CNTLN: variants seen among roughly 807,000 people sequenced by gnomAD.
The protein encoded by CNTLN is centlein, centrosomal protein.
CNTLN carries 212 observed loss-of-function variants against 180.0 expected under a neutral mutation model. That is an observed-to-expected ratio of 1.18 (90% CI 1.05 to 1.32). CNTLN has a LOEUF of 1.32. CNTLN is among the 40% of genes most tolerant of loss of function. The probability of loss-of-function intolerance (pLI) is 0.00; values close to 1 mark genes in which losing one functional copy is unlikely to be tolerated. For missense variants in CNTLN, 2,095 were observed against 1,610.9 expected, an observed-to-expected ratio of 1.30 and a Z score of -5.14; for synonymous variants, 722 against 563.1, an observed-to-expected ratio of 1.28 and a Z score of -3.99.
chr9:17,352,406 ATATATATATATTTT>A (rs1311792016), intron 12 of CNTLN, among the ~76,000 whole-genome samples: 8 of 129,612 alleles, frequency 6.2e-5, no homozygotes, highest in Admixed American at 1.5e-4. Context: ...ATATATATAT[ATATATATATATTTT>A]TTTTTTTTTT....
chr9:17,182,842 C>A lies in CNTLN; in HGVS notation c.449+39466C>A, dbSNP rs572729892. Among the ~76,000 whole-genome samples, 7 of 152,256 alleles carry A rather than the reference C, an allele frequency of 4.6e-5. No individual in the cohort carries two copies. In the East Asian group the frequency reaches 1.4e-3, roughly 29 times the overall value. Reference sequence around the variant, plus strand: ...TTGGAGAGAAGAGAAAACTTATTTGCCATACTTGCCATGAAGCTGTATTCA... The same window carrying A: ...TTGGAGAGAAGAGAAAACTTATTTGACATACTTGCCATGAAGCTGTATTCA... On this transcript the variant is annotated intron_variant, in intron 2 of 25. Coordinates refer to ENST00000380647, the MANE Select transcript of CNTLN (RefSeq NM_017738.4).
chr9:17,512,719 A>T, the CNTLN span, among the ~76,000 whole-genome samples: 1 of 152,224 alleles, frequency 6.6e-6, no homozygotes, highest in Non-Finnish European at 1.5e-5. Flanking sequence ...TACTCCTAAA[A>T]AGAAATACCA....
chr9:17,178,599 G>A (rs1323938405), intron 2 of CNTLN, among the ~76,000 whole-genome samples: 2 of 152,120 alleles, frequency 1.3e-5, no homozygotes, highest in Non-Finnish European at 2.9e-5. Context: ...GGCCCGGTGA[G>A]AAATCGAGCA....
chr9:17,259,611 C>CT lies in CNTLN; in HGVS notation c.850-14116dup, dbSNP rs1215728820. On this transcript the variant is annotated intron_variant, in intron 5 of 25. Coordinates refer to ENST00000380647, the MANE Select transcript of CNTLN (RefSeq NM_017738.4). Reference sequence around the variant, plus strand: ...CTGTGAATCCATCTGGTCCTGGACTCTTTTTTGTTGGTAAGCTGTTGATTA... The same window carrying CT: ...CTGTGAATCCATCTGGTCCTGGACTCTTTTTTTGTTGGTAAGCTGTTGATTA... Among the ~76,000 whole-genome samples, 3 of 150,594 alleles carry CT rather than the reference C, an allele frequency of 2.0e-5. No individual in the cohort carries two copies. The South Asian group carries it at 6.3e-4, about 31-fold the overall frequency.
At chr9:17,372,179 G>A (rs1203838853) in intron 13 of CNTLN, among the ~76,000 whole-genome samples, 1 of 151,900 alleles carries the variant, frequency 6.6e-6, no homozygotes, top group African/African-American at 2.4e-5. Flanking sequence ...CAAAAAATTG[G>A]TTTATCAAAA....
At chr9:17,176,823 G>A (rs1820747387) in intron 2 of CNTLN, among the ~76,000 whole-genome samples, 1 of 152,110 alleles carries the variant, frequency 6.6e-6, no homozygotes, top group South Asian at 2.1e-4. Context: ...TGTGCATCTT[G>A]AGGAACTGGT....
At chr9:17,268,563 A>G (rs1827683285) in intron 5 of CNTLN, among the ~76,000 whole-genome samples, 1 of 152,048 alleles carries the variant, frequency 6.6e-6, no homozygotes, top group South Asian at 2.1e-4. Context: ...ACTCTCTTCA[A>G]AGCTGTCAGA....
At chr9:17,326,659 G>A (rs1820312150) in intron 8 of CNTLN, among the ~76,000 whole-genome samples, 1 of 152,238 alleles carries the variant, frequency 6.6e-6, no homozygotes, top group South Asian at 2.1e-4. Flanking sequence ...CTTCAGCCAG[G>A]TGATCAAACT....
intron 2 of CNTLN, among the ~76,000 whole-genome samples, chr9:17,154,172 A>G (rs1041579445): frequency 3.3e-5 from 5 of 152,194 alleles, no homozygotes; most frequent in Non-Finnish European, 5.9e-5. Context: ...CGTCAAACTC[A>G]TTCTCTGTCC....
chr9:17,183,881 A>T (rs899023808), intron 2 of CNTLN, among the ~76,000 whole-genome samples: 4 of 152,092 alleles, frequency 2.6e-5, no homozygotes, highest in African/African-American at 9.7e-5. Flanking sequence ...TTCCTTTAAT[A>T]TTCAGATATA....
At chr9:17,385,165 G>T (rs1266121823) in intron 13 of CNTLN, among the ~76,000 whole-genome samples, 1 of 152,208 alleles carries the variant, frequency 6.6e-6, no homozygotes, top group Non-Finnish European at 1.5e-5. Context: ...ATGGTATGGA[G>T]GAAGGAAAAG....
chr9:17,273,958 T>C (rs547355315), intron 6 of CNTLN, 92 bp downstream of exon 6: 2 of 966,638 alleles, frequency 2.1e-6, no homozygotes, highest in African/African-American at 3.5e-5. Flanking sequence ...CACCCTAAAA[T>C]AATAACTATG....
At chr9:17,349,533 A>T (rs7873708) in intron 12 of CNTLN, among the ~76,000 whole-genome samples, 83,188 of 152,008 alleles carry the variant, frequency 0.55, 23,495 homozygotes, top group East Asian at 0.73. Context: ...ACTGTACATC[A>T]ATTTACAAAA....
chr9:17,249,886 T>G (rs142131586), intron 5 of CNTLN, among the ~76,000 whole-genome samples: 1,905 of 148,866 alleles, frequency 0.013, 21 homozygotes, highest in Middle Eastern at 0.037. Flanking sequence ...ATATGCCTTC[T>G]AGGTGTATCT....
intron 16 of CNTLN, among the ~76,000 whole-genome samples, chr9:17,414,659 T>C (rs908525853): frequency 2.0e-5 from 3 of 152,240 alleles, no homozygotes; most frequent in Admixed American, 1.3e-4. Context: ...ATTTTAGATA[T>C]AGGCTTCTGT....
Position 17,388,241 on chromosome 9 carries a change from G to T in CNTLN, c.2067G>T (p.Gln689His). 1 of 1,608,230 alleles carries T rather than the reference G, an allele frequency of 6.2e-7. No individual in the cohort carries two copies. Among genetic ancestry groups the T allele is most frequent in the Non-Finnish European group, 8.5e-7 (1 of 1,175,122 alleles). Residue 689 changes from glutamine to histidine, a missense_variant, in exon 14 of 26, where the codon CAG becomes CAT. Coordinates refer to ENST00000380647, the MANE Select transcript of CNTLN (RefSeq NM_017738.4). ...PEKNGKEMLEQTLQKVTELEN... is the reference protein window; with the variant it reads ...PEKNGKEMLEHTLQKVTELEN... ...AGAATGGAAAAGAAATGTTGGAGCA[G>T]ACATTACAGAAGGTAGTCTAATCTT...
chr9:17,322,460 T>C (rs997290041), intron 8 of CNTLN, among the ~76,000 whole-genome samples: 1 of 152,152 alleles, frequency 6.6e-6, no homozygotes, highest in African/African-American at 2.4e-5. Flanking sequence ...TATTCTGATA[T>C]TTCAAGCTTA....
chr9:17,342,597 T>A (rs918746263), intron 12 of CNTLN, among the ~76,000 whole-genome samples, 153 bp downstream of exon 12: 4 of 152,196 alleles, frequency 2.6e-5, no homozygotes, highest in African/African-American at 9.6e-5. Flanking sequence ...CTTTTAAAAA[T>A]ATATATATGT....
At chr9:17,429,832 A>AT (rs1449020458) in intron 18 of CNTLN, among the ~76,000 whole-genome samples, 4 of 151,928 alleles carry the variant, frequency 2.6e-5, no homozygotes, top group African/African-American at 4.8e-5. Context: ...GTATAGTAGA[A>AT]TTTTTTCAAA....
Sources: gnomAD v4.1 joint callset for allele counts (sites outside exome capture counted in the v4.1 genomes callset) on GRCh38, gnomAD v4.1.1 for gene constraint, MANE v1.5 for transcripts, NCBI Gene and HGNC (gene_info 2026-07-23, HGNC 2026-07-21) for gene names.